NCALD: variants seen among roughly 807,000 people sequenced by gnomAD.
NCALD encodes the protein neurocalcin delta, also known as neurocalcin-delta.
A neutral mutation model predicts 18.6 loss-of-function variants in NCALD; 10 were observed. The observed-to-expected ratio is 0.54, with a 90% CI of 0.33 to 0.91. The LOEUF is 0.91. Among genes scored for constraint, NCALD ranks in the 40% least tolerant of loss-of-function variants. The pLI is 0.03. For missense variants in NCALD, 184 were observed against 247.6 expected (o/e 0.74, Z 1.72); for synonymous variants, 88 against 87.4 (o/e 1.01, Z -0.04).
At chr8:102,104,627 A>C (rs1008915822) in intron 1 of NCALD, among the ~76,000 whole-genome samples, 27 of 152,100 alleles carry the variant, frequency 1.8e-4, no homozygotes, top group African/African-American at 5.6e-4. Context: ...CCTTTATTAC[A>C]GCTGTCCAGT....
intron 2 of NCALD, among the ~76,000 whole-genome samples, chr8:101,941,345 T>G (rs1818948438): frequency 6.6e-6 from 1 of 152,170 alleles, no homozygotes; most frequent in African/African-American, 2.4e-5. Context: ...GAGCTCACGC[T>G]CCTATGAGAA....
At chr8:101,808,205 T>C (rs1324018511) in intron 4 of NCALD, among the ~76,000 whole-genome samples, 4 of 152,150 alleles carry the variant, frequency 2.6e-5, no homozygotes, top group African/African-American at 9.7e-5. Context: ...AAATCCCCTC[T>C]AGACTGTCAC....
At position 101,722,686 on chromosome 8, in the gene NCALD, C is replaced by T. The variant is rs1025177948; in HGVS notation, c.-19-3038G>A. ...TTAAAAAGTGCTTCAAATTTATTAGCTGCTTTTGCACTAGAAACAAATTGC... is the reference window on the plus strand; with the variant it reads ...TTAAAAAGTGCTTCAAATTTATTAGTTGCTTTTGCACTAGAAACAAATTGC... On this transcript the variant is annotated intron_variant, in intron 1 of 3. Coordinates refer to ENST00000220931, the MANE Select transcript of NCALD (RefSeq NM_032041.3). 2.0e-5 allele frequency among the ~76,000 whole-genome samples: 3 copies of T among 152,182 alleles called. No homozygotes were observed. The East Asian group carries it at 5.8e-4, about 29-fold the overall frequency.
intron 1 of NCALD, among the ~76,000 whole-genome samples, chr8:102,050,017 C>G (rs1486821248): frequency 6.7e-6 from 1 of 149,444 alleles, no homozygotes; most frequent in Admixed American, 6.7e-5. Context: ...AAAAAATTAG[C>G]CGGGCGCGGT....
chr8:101,784,392 G>C (rs6984466), intron 1 of NCALD, among the ~76,000 whole-genome samples: 13,476 of 152,172 alleles, frequency 0.089, 1,618 homozygotes, highest in African/African-American at 0.26. Flanking sequence ...ATCCTTGGAA[G>C]TCACCTAGCA....
At chr8:101,986,541 G>C (rs911835019) in intron 2 of NCALD, 1 of 152,156 alleles carries the variant, frequency 6.6e-6, no homozygotes, top group African/African-American at 2.4e-5. Flanking sequence ...CCTGCCCACC[G>C]CAGCTGCCAG....
intron 2 of NCALD, among the ~76,000 whole-genome samples, chr8:101,713,495 T>G (rs2130356344): frequency 5.7e-3 from 1 of 176 alleles, no homozygotes; most frequent in Non-Finnish European, 0.013. Flanking sequence ...AAGGAACTGT[T>G]TTTTTTTGAA....
At chr8:102,066,176 T>C (rs1241122807) in intron 1 of NCALD, among the ~76,000 whole-genome samples, 2 of 152,226 alleles carry the variant, frequency 1.3e-5, no homozygotes, top group Admixed American at 6.5e-5. Context: ...GAGGGAAATG[T>C]CACAGGTCAT....
intron 1 of NCALD, among the ~76,000 whole-genome samples, chr8:101,772,901 A>C (rs910237222): frequency 1.3e-5 from 2 of 152,234 alleles, no homozygotes; most frequent in Admixed American, 1.3e-4. Flanking sequence ...AATAGAGAGA[A>C]TTTAATGGTG....
Position 101,711,099 on chromosome 8 carries a change from C to T in NCALD, c.378+8153G>A, listed in dbSNP as rs150615935. Among the ~76,000 whole-genome samples the T allele has an allele frequency of 6.6e-3, 1,002 of 152,276 alleles. 9 individuals are homozygous for T. Among genetic ancestry groups the T allele is most frequent in the African/African-American group, 0.023 (944 of 41,562 alleles). Reference sequence around the variant, plus strand: ...GCAGCAATTTTTGCTATTCTGCAGCCTCTGCTGGTGATACCCAGGCAAACA... The same window carrying T: ...GCAGCAATTTTTGCTATTCTGCAGCTTCTGCTGGTGATACCCAGGCAAACA... On this transcript the variant is annotated intron_variant, in intron 2 of 3. Transcript: ENST00000220931.
At chr8:101,885,258 C>G (rs1034194917) in intron 4 of NCALD, among the ~76,000 whole-genome samples, 1 of 152,098 alleles carries the variant, frequency 6.6e-6, no homozygotes, top group Non-Finnish European at 1.5e-5. Context: ...TATTCATATA[C>G]CTTGCTTTCA....
chr8:102,000,633 A>T (rs574412974), intron 2 of NCALD, among the ~76,000 whole-genome samples: 1 of 152,332 alleles, frequency 6.6e-6, no homozygotes, highest in South Asian at 2.1e-4. Flanking sequence ...CCCCAGTAGG[A>T]GCAGACTGAC....
intron 1 of NCALD, among the ~76,000 whole-genome samples, chr8:102,090,284 C>G (rs1346521501): frequency 6.6e-6 from 1 of 152,128 alleles, no homozygotes; most frequent in Non-Finnish European, 1.5e-5. Flanking sequence ...ACAGAAGTAA[C>G]CAAATTTCCT....
intron 1 of NCALD, among the ~76,000 whole-genome samples, chr8:101,724,000 A>G (rs1379473989): frequency 6.6e-6 from 1 of 152,208 alleles, no homozygotes; most frequent in Non-Finnish European, 1.5e-5. Flanking sequence ...TTGCAATCTA[A>G]AATAGTAATG....
chr8:101,814,727 A>T lies in NCALD; in HGVS notation c.-20+72414T>A, dbSNP rs188880370. 2.3e-3 allele frequency among the ~76,000 whole-genome samples: 357 copies of T among 152,162 alleles called. 2 individuals carry two copies. Among genetic ancestry groups the T allele is most frequent in the Non-Finnish European group, 3.6e-3 (243 of 67,954 alleles). On this transcript the variant is annotated intron_variant, in intron 4 of 6. Coordinates refer to the NCALD transcript ENST00000311028. ...GGTAGGAAAGCCAAAAGAATCAAAAAACTCCTGTACTAATAAGGGATTATA... is the reference window on the plus strand; with the variant it reads ...GGTAGGAAAGCCAAAAGAATCAAAATACTCCTGTACTAATAAGGGATTATA...
intron 1 of NCALD, among the ~76,000 whole-genome samples, chr8:102,101,389 C>T (rs906227430): frequency 4.6e-5 from 7 of 152,218 alleles, no homozygotes; most frequent in Non-Finnish European, 7.3e-5. Context: ...AGGGTGTCTG[C>T]AGGCCTCTAG....
chr8:101,724,798 T>C (rs1816501376), intron 1 of NCALD, among the ~76,000 whole-genome samples: 1 of 152,216 alleles, frequency 6.6e-6, no homozygotes, highest in South Asian at 2.1e-4. Flanking sequence ...AGAGCCTAAC[T>C]GTGAGTGTGG....
chr8:101,855,713 C>T (rs1353199978), intron 4 of NCALD, among the ~76,000 whole-genome samples: 5 of 152,036 alleles, frequency 3.3e-5, no homozygotes, highest in African/African-American at 4.8e-5. Context: ...TGGAAAATGA[C>T]ATTATGGGTG....
At chr8:101,692,769 C>A (rs773991180) in intron 3 of NCALD, 22 bp downstream of exon 3, 5 of 1,590,368 alleles carry the variant, frequency 3.1e-6, no homozygotes, top group Non-Finnish European at 4.3e-6. Context: ...CTGAGCAAAG[C>A]AGTGTAGCCC....
Sources: allele counts gnomAD v4.1 joint callset (sites outside exome capture counted in the v4.1 genomes callset), GRCh38; gene constraint gnomAD v4.1.1; transcripts MANE v1.5; gene names NCBI Gene and HGNC (gene_info 2026-07-23, HGNC 2026-07-21).